Variants in MAST4 observed in about 807,000 individuals in gnomAD.
MAST4 encodes the protein microtubule associated serine/threonine kinase family member 4, also known as microtubule-associated serine/threonine-protein kinase 4.
In MAST4, 89 loss-of-function variants were observed where a neutral mutation model predicts 162.7. The ratio of observed to expected loss-of-function variants is 0.55; its 90% CI spans 0.46 to 0.65. The LOEUF is 0.65. Among genes scored for constraint, MAST4 ranks in the 30% least tolerant of loss-of-function variants. The probability of loss-of-function intolerance (pLI) is 0.00; values close to 1 mark genes in which losing one functional copy is unlikely to be tolerated. For missense variants in MAST4, 3,153 were observed against 3,374.0 expected (o/e 0.93, Z 1.62); for synonymous variants, 1,479 against 1,361.1 (o/e 1.09, Z -1.91).
At chr5:66,613,679 T>G (rs888694990) in intron 1 of MAST4, among the ~76,000 whole-genome samples, 2 of 152,188 alleles carry the variant, frequency 1.3e-5, no homozygotes, top group Admixed American at 6.5e-5. Flanking sequence ...AGCCACAGAC[T>G]AACTGGTCTT....
chr5:67,136,859 G>A (rs960521520), intron 19 of MAST4, among the ~76,000 whole-genome samples, 195 bp downstream of exon 19: 1 of 152,208 alleles, frequency 6.6e-6, no homozygotes, highest in Non-Finnish European at 1.5e-5. Flanking sequence ...TACGCTAAGA[G>A]GGTTGGTTGT....
chr5:66,837,894 ATTTTTTTTTTTT>A (rs754095073), intron 3 of MAST4, among the ~76,000 whole-genome samples: 1,336 of 53,562 alleles, frequency 0.025, 9 homozygotes, highest in Middle Eastern at 0.048. Flanking sequence ...ATATATATAT[ATTTTTTTTTTTT>A]TTTTTTTTTT....
intron 3 of MAST4, among the ~76,000 whole-genome samples, chr5:66,865,773 G>A (rs955187658): frequency 3.3e-5 from 5 of 152,128 alleles, no homozygotes; most frequent in African/African-American, 1.2e-4. Context: ...ATCAGCATTT[G>A]TTTGAAAAAT....
intron 1 of MAST4, among the ~76,000 whole-genome samples, chr5:66,694,746 C>T (rs1749288018): frequency 6.6e-6 from 1 of 152,170 alleles, no homozygotes; most frequent in Non-Finnish European, 1.5e-5. Context: ...CTTGGCCTTC[C>T]AAAGTGGTGG....
intron 4 of MAST4, among the ~76,000 whole-genome samples, chr5:67,025,608 G>A (rs1754541841): frequency 6.6e-6 from 1 of 152,138 alleles, no homozygotes; most frequent in Admixed American, 6.5e-5. Context: ...AGTTTGTTAT[G>A]AAACTTGATT....
chr5:66,643,448 G>T (rs1196601941), intron 1 of MAST4, among the ~76,000 whole-genome samples: 1 of 60,742 alleles, frequency 1.6e-5, no homozygotes, highest in East Asian at 8.3e-4. Context: ...GTTCAAGGTA[G>T]CAAAAAGAAT....
chr5:66,942,875 T>G (rs1190996582), intron 4 of MAST4, among the ~76,000 whole-genome samples: 1 of 152,058 alleles, frequency 6.6e-6, no homozygotes, highest in Non-Finnish European at 1.5e-5. Flanking sequence ...AACTTATTTC[T>G]TACATTTCTG....
chr5:66,868,824 A>G (rs376298894), intron 3 of MAST4, among the ~76,000 whole-genome samples: 1 of 152,190 alleles, frequency 6.6e-6, no homozygotes. Context: ...CCCTTAAAGG[A>G]TGTGCTTGCC....
At position 67,165,244 on chromosome 5, in the gene MAST4, A is replaced by G. The variant is rs1773734401; in HGVS notation, c.6065A>G (p.His2022Arg). The G allele has an allele frequency of 1.9e-6, 3 of 1,612,980 alleles. No homozygotes were observed. The highest frequency in any genetic ancestry group is 1.3e-5 in the African/African-American group (1 of 75,042). ...AATCTCCTCTCTGTGGGAAGGACCC[A>G]CCCAGATTTCTATACACAGACCCAG... ...SKNLLSVGRT[H>R]PDFYTQTQAM... Residue 2022 changes from histidine (H) to arginine (R), a missense_variant, in exon 29 of 29, where the codon CAC becomes CGC. By Grantham distance (29) the His-to-Arg change is conservative (BLOSUM62 0). Around this residue, in one of 7 missense-constraint regions of MAST4, gnomAD observed 1,644 missense variants for 1,495.0 expected, o/e 1.10. Transcript: ENST00000403625.
At chr5:66,841,085 ATTAC>A (rs1250183212) in intron 3 of MAST4, among the ~76,000 whole-genome samples, 1 of 152,138 alleles carries the variant, frequency 6.6e-6, no homozygotes, top group Non-Finnish European at 1.5e-5. Flanking sequence ...AATAAGATAT[ATTAC>A]TTACCTCCCA....
intron 1 of MAST4, among the ~76,000 whole-genome samples, chr5:66,640,858 G>A (rs115650933): frequency 6.6e-6 from 1 of 152,046 alleles, no homozygotes; most frequent in Non-Finnish European, 1.5e-5. Context: ...ATGTACCAGG[G>A]TTCCCTTTTC....
chr5:67,019,718 A>T (rs1753740149), intron 4 of MAST4, among the ~76,000 whole-genome samples: 1 of 152,068 alleles, frequency 6.6e-6, no homozygotes, highest in Non-Finnish European at 1.5e-5. Context: ...TTTTTTTTAA[A>T]CTCTAAAGAT....
At chr5:66,772,772 T>C (rs913425506) in intron 2 of MAST4, among the ~76,000 whole-genome samples, 13 of 152,318 alleles carry the variant, frequency 8.5e-5, no homozygotes, top group Middle Eastern at 6.8e-3. Flanking sequence ...GTAGCCTTCA[T>C]TGCTGGGCCT....
intron 3 of MAST4, among the ~76,000 whole-genome samples, chr5:66,887,762 T>C (rs1762128989): frequency 6.6e-6 from 1 of 152,240 alleles, no homozygotes; most frequent in Non-Finnish European, 1.5e-5. Context: ...AGTTGATTTT[T>C]AACACTGCAA....
intron 1 of MAST4, among the ~76,000 whole-genome samples, chr5:66,605,629 C>T (rs1403536680): frequency 6.6e-6 from 1 of 151,958 alleles, no homozygotes; most frequent in Admixed American, 6.6e-5. Flanking sequence ...AGTCAGTGAC[C>T]AAGTCTCCCT....
intron 2 of MAST4, among the ~76,000 whole-genome samples, chr5:66,773,481 G>T (rs1020494513): frequency 3.3e-5 from 5 of 152,194 alleles, no homozygotes; most frequent in African/African-American, 1.2e-4. Context: ...AAGAGAGAAT[G>T]ATATTATTGA....
intron 26 of MAST4, among the ~76,000 whole-genome samples, chr5:67,157,759 C>G (rs918323897): frequency 6.6e-6 from 1 of 152,154 alleles, no homozygotes; most frequent in African/African-American, 2.4e-5. Flanking sequence ...AAACAAGAAC[C>G]TTGTTGTCTG....
intron 5 of MAST4, among the ~76,000 whole-genome samples, chr5:67,067,067 T>A (rs1760332974): frequency 6.6e-6 from 1 of 152,212 alleles, no homozygotes; most frequent in African/African-American, 2.4e-5. Context: ...AAGGAACTAT[T>A]GCAGGAGGCT....
chr5:67,011,362 C>G (rs1345092428), intron 4 of MAST4, among the ~76,000 whole-genome samples: 1 of 152,210 alleles, frequency 6.6e-6, no homozygotes, highest in Non-Finnish European at 1.5e-5. Flanking sequence ...CCACTCCTTG[C>G]TTTGCCCAGG....
Sources: gnomAD v4.1 joint callset for allele counts (sites outside exome capture counted in the v4.1 genomes callset) on GRCh38, gnomAD v4.1.1 for gene constraint, gnomAD v4.1.1 regional missense constraint, MANE v1.5 for transcripts, NCBI Gene and HGNC (gene_info 2026-07-23, HGNC 2026-07-21) for gene names.